The following PABPC4L variants were observed in gnomAD, a reference collection of about 807,000 sequenced individuals.
PABPC4L encodes polyadenylate-binding protein 4-like.
For missense variants in PABPC4L, 452 were observed against 451.4 expected, an observed-to-expected ratio of 1.00 and a Z score of -0.01; for synonymous variants, 169 against 164.1, an observed-to-expected ratio of 1.03 and a Z score of -0.23.
the PABPC4L span, among the ~76,000 whole-genome samples, chr4:134,132,363 CA>C: frequency 6.6e-6 from 1 of 151,608 alleles, no homozygotes; most frequent in Non-Finnish European, 1.5e-5. Flanking sequence ...AACAAATGAG[CA>C]AGAACAAAAC....
chr4:134,180,596 A>T, the PABPC4L span, among the ~76,000 whole-genome samples: 1 of 151,628 alleles, frequency 6.6e-6, no homozygotes, highest in African/African-American at 2.4e-5. Flanking sequence ...CTAGGAGCTG[A>T]TTCTTTCAAA....
At chr4:134,100,292 AC>A in the PABPC4L span, among the ~76,000 whole-genome samples, 1 of 151,678 alleles carries the variant, frequency 6.6e-6, no homozygotes, top group Admixed American at 6.6e-5. Flanking sequence ...TTGAAGCTGC[AC>A]CTTTTTTGTA....
At chr4:134,194,104 G>A (rs940042832), downstream of PABPC4L, among the ~76,000 whole-genome samples, 16 of 151,942 alleles carry the variant, frequency 1.1e-4, no homozygotes, top group African/African-American at 3.4e-4. Context: ...ATTAATTAAT[G>A]AGCCAGCTAC....
chr4:134,027,503 A>T, the PABPC4L span, among the ~76,000 whole-genome samples: 1 of 152,152 alleles, frequency 6.6e-6, no homozygotes, highest in Non-Finnish European at 1.5e-5. Flanking sequence ...GGCTAATTTC[A>T]TATCTTCGCT....
At chr4:134,145,516 T>C in the PABPC4L span, among the ~76,000 whole-genome samples, 1 of 152,014 alleles carries the variant, frequency 6.6e-6, no homozygotes, top group African/African-American at 2.4e-5. Flanking sequence ...ATTTTCTTTC[T>C]ATGAAGCTCT....
chr4:134,190,611 A>T, the PABPC4L span, among the ~76,000 whole-genome samples: 2 of 152,208 alleles, frequency 1.3e-5, no homozygotes, highest in East Asian at 3.9e-4. Flanking sequence ...ATAAGTTTGG[A>T]TAGTTTATAT....
At chr4:134,183,485 TA>T in the PABPC4L span, among the ~76,000 whole-genome samples, 2,851 of 141,424 alleles carry the variant, frequency 0.02, 28 homozygotes, top group Non-Finnish European at 0.031. Flanking sequence ...AGGAAGAGGG[TA>T]AAAAAAAAAA....
chr4:133,961,806 G>A, the PABPC4L span, among the ~76,000 whole-genome samples: 1 of 152,256 alleles, frequency 6.6e-6, no homozygotes, highest in African/African-American at 2.4e-5. Flanking sequence ...GTGATCCAGT[G>A]AGGCATGTCC....
At chr4:134,049,304 C>A in the PABPC4L span, among the ~76,000 whole-genome samples, 1 of 151,956 alleles carries the variant, frequency 6.6e-6, no homozygotes, top group Non-Finnish European at 1.5e-5. Flanking sequence ...AGTGAAAAAC[C>A]AAATTATTAA....
the PABPC4L span, among the ~76,000 whole-genome samples, chr4:134,122,957 C>A: frequency 6.6e-6 from 1 of 151,766 alleles, no homozygotes; most frequent in Non-Finnish European, 1.5e-5. Context: ...AGTGCTTTTG[C>A]AATTAGGAAT....
At chr4:134,008,003 A>T in the PABPC4L span, among the ~76,000 whole-genome samples, 1 of 151,764 alleles carries the variant, frequency 6.6e-6, no homozygotes, top group Non-Finnish European at 1.5e-5. Flanking sequence ...GAAATCTGTT[A>T]TTCAATTATA....
At chr4:134,177,617 G>T in the PABPC4L span, among the ~76,000 whole-genome samples, 1 of 151,912 alleles carries the variant, frequency 6.6e-6, no homozygotes, top group Non-Finnish European at 1.5e-5. Flanking sequence ...CTTCTAGCCC[G>T]CAGTTCCACT....
the PABPC4L span, among the ~76,000 whole-genome samples, chr4:134,159,817 G>A: frequency 2.1e-3 from 324 of 152,202 alleles, 1 homozygote; most frequent in African/African-American, 7.3e-3. Flanking sequence ...GCAGCCCTGA[G>A]AGTGCCTGCA....
the PABPC4L span, among the ~76,000 whole-genome samples, chr4:134,113,388 T>C: frequency 6.6e-6 from 1 of 151,948 alleles, no homozygotes; most frequent in Non-Finnish European, 1.5e-5. Context: ...TTTTCTTTTA[T>C]ATCATATTTT....
the PABPC4L span, among the ~76,000 whole-genome samples, chr4:134,004,669 A>C: frequency 2.6e-5 from 4 of 151,940 alleles, no homozygotes; most frequent in Non-Finnish European, 5.9e-5. Context: ...TCTCACGTTC[A>C]TTTCAGCATT....
At chr4:134,141,255 C>T in the PABPC4L span, among the ~76,000 whole-genome samples, 1 of 151,364 alleles carries the variant, frequency 6.6e-6, no homozygotes, top group Non-Finnish European at 1.5e-5. Context: ...ACAGAGGATG[C>T]AAACTACTCC....
the PABPC4L span, among the ~76,000 whole-genome samples, chr4:134,095,049 A>G: frequency 6.6e-6 from 1 of 151,788 alleles, no homozygotes; most frequent in African/African-American, 2.4e-5. Flanking sequence ...CTTATAGTTT[A>G]TTATTTCAAG....
the PABPC4L span, among the ~76,000 whole-genome samples, chr4:134,177,234 G>A: frequency 1.0e-4 from 15 of 146,788 alleles, no homozygotes; most frequent in Admixed American, 2.8e-4. Context: ...AGGCTGGAGT[G>A]CAGTGGCAGG....
the PABPC4L span, among the ~76,000 whole-genome samples, chr4:133,994,210 T>A: frequency 6.6e-6 from 1 of 152,068 alleles, no homozygotes; most frequent in Non-Finnish European, 1.5e-5. Flanking sequence ...CAAGGGCTGT[T>A]TGATGGTTCT....
Sources: allele counts gnomAD v4.1 joint callset (sites outside exome capture counted in the v4.1 genomes callset), GRCh38; gene constraint gnomAD v4.1.1; transcripts MANE v1.5; gene names NCBI Gene and HGNC (gene_info 2026-07-23, HGNC 2026-07-21).